Variants in SHOC1 observed in about 807,000 individuals in gnomAD.
SHOC1 encodes the protein protein shortage in chiasmata 1 ortholog.
Under a neutral mutation model 179.2 loss-of-function variants are expected in SHOC1, and 136 were observed. That is an observed-to-expected ratio of 0.76 (90% confidence interval 0.66 to 0.87). The LOEUF (loss-of-function observed/expected upper bound fraction) is 0.87, where lower values mean the gene tolerates loss of function less well. Ranked by LOEUF, SHOC1 falls within the 40% of genes least tolerant of loss-of-function variation. The pLI, the probability that SHOC1 is intolerant of heterozygous loss-of-function variation, is 0.00. For missense variants in SHOC1, 1,538 were observed against 1,700.8 expected (o/e 0.90, Z 1.68); for synonymous variants, 489 against 586.6 (o/e 0.83, Z 2.41).
chr9:111,768,698 A>G (rs1835450884), intron 5 of SHOC1, among the ~76,000 whole-genome samples: 3 of 152,230 alleles, frequency 2.0e-5, no homozygotes, highest in African/African-American at 4.8e-5. Context: ...ACATCATGTT[A>G]TCTACAAACA....
chr9:111,692,154 C>A lies in SHOC1; in HGVS notation c.3823G>T (p.Glu1275Ter). 1 of 1,613,670 alleles carries A rather than the reference C, an allele frequency of 6.2e-7. No individual in the cohort carries two copies. ...GQNTPFLINIESRRPAYNSFL... is the reference protein window; with the variant it reads ...GQNTPFLINI ...GAGTTATAAGCCGGTCTCCTTGATT[C>A]TATATTAATTAGAAAAGGAGTATTC... is the stretch of plus-strand genomic sequence containing the variant. Residue 1275 changes from glutamate to a stop codon, truncating the protein, a stop_gained, in exon 27 of 28, where the codon GAA becomes TAA. Transcript: ENST00000682961. LOFTEE classifies it high-confidence loss of function.
At position 111,738,369 on chromosome 9, in the gene SHOC1, T is replaced by C. The variant is rs1408427426; in HGVS notation, c.1328A>G (p.His443Arg). The change falls in exon 12 of 28, where the codon CAT becomes CGT. Residue 443 changes from histidine (H) to arginine (R), a missense_variant. By Grantham distance (29) the His-to-Arg change is conservative (BLOSUM62 0). Coordinates refer to ENST00000682961, the MANE Select transcript of SHOC1 (RefSeq NM_001378211.1). ...ATCATGACATAAATATGTATTCAGATGTTCCAATGTTTCCATCATTTTCAG... is the reference window on the plus strand; with the variant it reads ...ATCATGACATAAATATGTATTCAGACGTTCCAATGTTTCCATCATTTTCAG... ...LNLKMMETLE[H>R]LNTYLCHDNL... The C allele has an allele frequency of 6.2e-7, 1 of 1,613,158 alleles. No individual in the cohort carries two copies. The highest frequency in any genetic ancestry group is 1.3e-5 in the African/African-American group (1 of 74,890).
chr9:111,752,324 A>G (rs978843003), intron 8 of SHOC1, among the ~76,000 whole-genome samples: 2 of 152,188 alleles, frequency 1.3e-5, no homozygotes, highest in African/African-American at 4.8e-5. Flanking sequence ...TGATCCCTGA[A>G]CTACACATGT....
At chr9:111,732,734 G>C (rs973892230) in intron 12 of SHOC1, among the ~76,000 whole-genome samples, 45 of 152,254 alleles carry the variant, frequency 3.0e-4, no homozygotes, top group African/African-American at 1.1e-3. Context: ...AAGTATACCA[G>C]TGGTCGTCAA....
In SHOC1 at chr9:111,699,942, G is replaced by A; in HGVS notation, c.3183+12C>T. ...AAAAATACTTATGAAGAAACACATA[G>A]GAAAAGAATACCTTTACATCCAGTT... is the stretch of plus-strand genomic sequence containing the variant. On this transcript the variant is annotated intron_variant, in intron 24 of 27. Transcript: ENST00000682961. 1 of 1,561,806 alleles carries A rather than the reference G, an allele frequency of 6.4e-7. No homozygotes were observed. The highest frequency in any genetic ancestry group is 8.7e-7 in the Non-Finnish European group (1 of 1,145,180).
chr9:111,726,215 A>G (rs1318180189), intron 13 of SHOC1, among the ~76,000 whole-genome samples: 4 of 152,238 alleles, frequency 2.6e-5, no homozygotes, highest in Non-Finnish European at 5.9e-5. Context: ...TTACATAAAA[A>G]GTAACTTTAA....
chr9:111,687,198 T>C (rs1237833105), intron 27 of SHOC1, among the ~76,000 whole-genome samples: 1 of 152,132 alleles, frequency 6.6e-6, no homozygotes, highest in African/African-American at 2.4e-5. Context: ...TCCACCTGCC[T>C]CGGCCTCCCA....
intron 14 of SHOC1, among the ~76,000 whole-genome samples, chr9:111,723,315 T>C (rs1205573744): frequency 6.6e-6 from 1 of 152,216 alleles, no homozygotes; most frequent in Non-Finnish European, 1.5e-5. Flanking sequence ...GGGTCATATT[T>C]CCTTACTGAT....
chr9:111,760,791 T>C (rs908886985), intron 5 of SHOC1, among the ~76,000 whole-genome samples: 17 of 150,986 alleles, frequency 1.1e-4, no homozygotes, highest in African/African-American at 3.9e-4. Flanking sequence ...AAAGGCAAGA[T>C]AAAAAACACT....
chr9:111,742,963 T>A (rs1426205095), intron 10 of SHOC1, among the ~76,000 whole-genome samples: 1 of 152,234 alleles, frequency 6.6e-6, no homozygotes, highest in Non-Finnish European at 1.5e-5. Flanking sequence ...AAGGCATGTC[T>A]GAATCTGATA....
At chr9:111,693,018 A>C (rs1564102452) in intron 26 of SHOC1, among the ~76,000 whole-genome samples, 1 of 152,200 alleles carries the variant, frequency 6.6e-6, no homozygotes, top group Non-Finnish European at 1.5e-5. Flanking sequence ...TAGAATGTAT[A>C]ATATAGGCTG....
intron 12 of SHOC1, 181 bp downstream of exon 12, chr9:111,738,096 TTCA>T (rs1564137306): frequency 4.1e-6 from 2 of 482,998 alleles, no homozygotes; most frequent in Non-Finnish European, 3.5e-6. Context: ...CTAGTCAAAC[TTCA>T]TCATTTTTTC....
intron 6 of SHOC1, 61 bp downstream of exon 6, chr9:111,758,634 T>A: frequency 7.1e-7 from 1 of 1,408,842 alleles, no homozygotes; most frequent in Non-Finnish European, 9.6e-7. Flanking sequence ...AAGCTTGTGA[T>A]CATACTAAAA....
chr9:111,743,152 T>TA (rs896844053), intron 10 of SHOC1, among the ~76,000 whole-genome samples: 6 of 152,168 alleles, frequency 3.9e-5, no homozygotes, highest in African/African-American at 1.4e-4. Flanking sequence ...TGCTCTGAAA[T>TA]AAAAATAATT....
At chr9:111,774,682 T>TTC (rs1035892839) in intron 5 of SHOC1, among the ~76,000 whole-genome samples, 116 of 151,638 alleles carry the variant, frequency 7.6e-4, no homozygotes, top group Non-Finnish European at 1.0e-3. Flanking sequence ...TAAGAGGAAT[T>TTC]TCTCTCTCTC....
chr9:111,702,834 G>A (rs981937678), intron 22 of SHOC1, among the ~76,000 whole-genome samples: 4 of 152,160 alleles, frequency 2.6e-5, no homozygotes, highest in Non-Finnish European at 5.9e-5. Context: ...TGCCAGCCAG[G>A]CACAGTAGCT....
intron 18 of SHOC1, among the ~76,000 whole-genome samples, chr9:111,712,004 C>CA (rs1324589485): frequency 6.6e-6 from 1 of 151,868 alleles, no homozygotes; most frequent in African/African-American, 2.4e-5. Context: ...GGAGATGAAA[C>CA]AAAAAAGTAG....
Position 111,692,066 on chromosome 9 carries a change from C to T in SHOC1, c.3911G>A (p.Cys1304Tyr). 6.2e-7 allele frequency: 1 copy of T among 1,613,828 alleles called. No homozygotes were observed. The highest frequency in any genetic ancestry group is 8.5e-7 in the Non-Finnish European group (1 of 1,179,868). ...GTCAGTTGGTGATTTTATAGTTTCA[C>T]AGTTCATTTGTGTTAGACCCAAAGA... is the stretch of plus-strand genomic sequence containing the variant. ...VFSLGLTQMN[C>Y]ETIKSPTDTQ... The change falls in exon 27 of 28, where the codon TGT (cysteine) becomes TAT (tyrosine). Residue 1304 changes from cysteine to tyrosine, a missense_variant. By Grantham distance (194) the Cys-to-Tyr change is radical. Transcript: ENST00000682961.
intron 2 of SHOC1, among the ~76,000 whole-genome samples, chr9:111,790,897 T>C (rs1024355998): frequency 6.6e-6 from 1 of 152,200 alleles, no homozygotes; most frequent in African/African-American, 2.4e-5. Context: ...TCAATAAATC[T>C]AAAAGTAATT....
Sources: gnomAD v4.1 joint callset for allele counts (sites outside exome capture counted in the v4.1 genomes callset) on GRCh38, gnomAD v4.1.1 for gene constraint, MANE v1.5 for transcripts, NCBI Gene and HGNC (gene_info 2026-07-23, HGNC 2026-07-21) for gene names.